PRSS12: variants seen among roughly 807,000 people sequenced by gnomAD.
PRSS12 encodes the protein neurotrypsin.
PRSS12 carries 85 observed loss-of-function variants against 104.4 expected under a neutral mutation model. The ratio of observed to expected loss-of-function variants is 0.81; its 90% CI spans 0.68 to 0.98. The LOEUF (loss-of-function observed/expected upper bound fraction) is 0.98, where lower values mean the gene tolerates loss of function less well. PRSS12 is among the 50% of genes least tolerant of loss of function. The pLI, the probability that PRSS12 is intolerant of heterozygous loss-of-function variation, is 0.00. For synonymous variants in PRSS12, 454 were observed against 425.2 expected, an observed-to-expected ratio of 1.07 and a Z score of -0.83; for missense variants, 1,141 against 1,139.2, an observed-to-expected ratio of 1.00 and a Z score of -0.02.
At chr4:118,333,841 G>A (rs1449468527) in intron 3 of PRSS12, among the ~76,000 whole-genome samples, 71 of 152,136 alleles carry the variant, frequency 4.7e-4, no homozygotes, top group Non-Finnish European at 1.0e-4. Context: ...ACAAGATTTA[G>A]TTAACAGCCC....
rs200497966 is a variant in PRSS12 at position 118,295,786 on chromosome 4, A to T, written c.1908T>A (p.Asn636Lys). ...TTTGGAGGAACATTTACCTTAAAGA[A>T]TTTTTCCCACCAATGATCCGCTTCT... ...RRQKRIIGGKNSLRGGWPWQV... is the reference protein window; with the variant it reads ...RRQKRIIGGKKSLRGGWPWQV... The change falls in exon 10 of 13, where the codon AAT becomes AAA. Residue 636 changes from asparagine to lysine, a missense_variant. By Grantham distance (94) the Asn-to-Lys change is moderately conservative. Transcript: ENST00000296498. The T allele has an allele frequency of 1.9e-6, 3 of 1,613,378 alleles. No homozygotes were observed. The Admixed American group carries it at 5.0e-5, about 27-fold the overall frequency.
At chr4:118,314,175 C>A (rs944902830) in intron 6 of PRSS12, among the ~76,000 whole-genome samples, 9 of 152,028 alleles carry the variant, frequency 5.9e-5, no homozygotes, top group African/African-American at 2.2e-4. Flanking sequence ...GCTTAAAAAT[C>A]TTTAAGACAC....
intron 1 of PRSS12, among the ~76,000 whole-genome samples, chr4:118,342,871 C>T (rs987071557): frequency 3.3e-5 from 5 of 152,168 alleles, no homozygotes; most frequent in Admixed American, 6.5e-5. Flanking sequence ...AGTACATAGG[C>T]CTCCAGTTTT....
intron 3 of PRSS12, among the ~76,000 whole-genome samples, chr4:118,332,591 G>A (rs1055290576): frequency 1.1e-4 from 17 of 152,122 alleles, no homozygotes; most frequent in African/African-American, 3.9e-4. Context: ...CTTCCTGAGA[G>A]TATTTACTTT....
chr4:118,342,388 C>T (rs1031414885), intron 1 of PRSS12, among the ~76,000 whole-genome samples: 1 of 152,192 alleles, frequency 6.6e-6, no homozygotes, highest in African/African-American at 2.4e-5. Flanking sequence ...GAGCAACCAA[C>T]CATTCTTCGA....
intron 1 of PRSS12, 96 bp downstream of exon 1, chr4:118,352,123 C>T: frequency 6.5e-7 from 1 of 1,536,718 alleles, no homozygotes; most frequent in Non-Finnish European, 8.8e-7. Flanking sequence ...ACCCCACACA[C>T]CCCGTCACTT....
At chr4:118,322,783 C>T (rs1300930192) in intron 4 of PRSS12, among the ~76,000 whole-genome samples, 1 of 151,802 alleles carries the variant, frequency 6.6e-6, no homozygotes, top group African/African-American at 2.4e-5. Flanking sequence ...AGGGAAGATA[C>T]AGGATAGGAG....
At chr4:118,299,354 C>T (rs968749968) in intron 8 of PRSS12, among the ~76,000 whole-genome samples, 43 of 152,106 alleles carry the variant, frequency 2.8e-4, no homozygotes, top group African/African-American at 1.0e-3. Flanking sequence ...GAGGTAAGAA[C>T]TAATTTTTTT....
intron 8 of PRSS12, 84 bp from the exon 9 acceptor site, chr4:118,299,022 CTTAA>C (rs748815406): frequency 3.5e-5 from 51 of 1,444,748 alleles, no homozygotes; most frequent in Non-Finnish European, 4.9e-5. Context: ...AATTTTATTC[CTTAA>C]TTTTTACATA....
chr4:118,284,748 C>T (rs1177304124), intron 11 of PRSS12, among the ~76,000 whole-genome samples: 1 of 152,180 alleles, frequency 6.6e-6, no homozygotes, highest in Non-Finnish European at 1.5e-5. Flanking sequence ...CGAAAAACTA[C>T]CCTGCTTGTC....
chr4:118,300,635 G>A (rs1367271663), intron 8 of PRSS12, among the ~76,000 whole-genome samples: 2 of 151,990 alleles, frequency 1.3e-5, no homozygotes, highest in Non-Finnish European at 2.9e-5. Flanking sequence ...TGGACATAGA[G>A]GGTATAAACT....
chr4:118,335,075 A>C (rs1724026376), intron 3 of PRSS12, among the ~76,000 whole-genome samples: 1 of 152,156 alleles, frequency 6.6e-6, no homozygotes, highest in African/African-American at 2.4e-5. Flanking sequence ...GCATTACACA[A>C]AGTGAAAATA....
At chr4:118,349,859 C>T (rs550937389) in intron 1 of PRSS12, among the ~76,000 whole-genome samples, 13 of 152,056 alleles carry the variant, frequency 8.5e-5, no homozygotes, top group South Asian at 2.1e-4. Flanking sequence ...AAAAATTAGC[C>T]GGGCGTGGTG....
intron 4 of PRSS12, among the ~76,000 whole-genome samples, chr4:118,321,408 G>A (rs1723620404): frequency 6.6e-6 from 1 of 152,164 alleles, no homozygotes; most frequent in Admixed American, 6.5e-5. Flanking sequence ...CTTTGAAGTG[G>A]AGAAGTATAT....
chr4:118,349,989 G>A (rs1447676712), intron 1 of PRSS12, among the ~76,000 whole-genome samples: 3 of 152,156 alleles, frequency 2.0e-5, no homozygotes, highest in South Asian at 2.1e-4. Flanking sequence ...GGTGACAGAC[G>A]AAGACCCTTG....
In PRSS12 at chr4:118,338,222, A is replaced by C. The variant is rs751804682; in HGVS notation, c.595T>G (p.Trp199Gly). 8.2e-5 allele frequency: 132 copies of C among 1,613,930 alleles called. 1 individual carries two copies. Among genetic ancestry groups the C allele is most frequent in the Middle Eastern group, 4.9e-4 (3 of 6,084 alleles). Reference protein sequence around the residue: ...GVWGTVCSSHWDDSDASVICH... With the variant: ...GVWGTVCSSHGDDSDASVICH... The stretch of plus-strand genomic sequence containing the variant: ...ATGACTGATGCATCAGAATCATCCC[A>C]GTGGCTGCTACAGACAGTGCCCCAA... Residue 199 changes from tryptophan (W) to glycine (G), a missense_variant, in exon 2 of 13, where the codon TGG becomes GGG. Transcript: ENST00000296498.
At position 118,281,764 on chromosome 4, in the gene PRSS12, C is replaced by T; in HGVS notation, c.*172G>A. The T allele has an allele frequency of 1.5e-6, 1 of 646,618 alleles. No individual in the cohort carries two copies. Among genetic ancestry groups the T allele is most frequent in the South Asian group, 1.8e-5 (1 of 56,838 alleles). 40.1% of individuals were successfully genotyped at this position (646,618 alleles called of 1,614,324 possible). Reference sequence around the variant, plus strand: ...GATTATCACTTCCACTACACTGAGGCCTCTGAAAATGTTCACAAATTTCTC... The same window carrying T: ...GATTATCACTTCCACTACACTGAGGTCTCTGAAAATGTTCACAAATTTCTC... On this transcript the variant is annotated 3_prime_UTR_variant, in exon 13 of 13. Coordinates refer to ENST00000296498, the MANE Select transcript of PRSS12 (RefSeq NM_003619.4).
rs376816104 is a variant in PRSS12, at chr4:118,331,913, T to C, written c.821-47A>G. On this transcript the variant is annotated intron_variant, in intron 3 of 12. Coordinates refer to ENST00000296498, the MANE Select transcript of PRSS12 (RefSeq NM_003619.4). ...ATAAGCAAAACCTATGCATTTACAT[T>C]GATTGATAAGATTAGGTATATTCTA... 1.8e-5 allele frequency: 29 copies of C among 1,609,804 alleles called. No homozygotes were observed. In the African/African-American group the frequency reaches 3.6e-4, roughly 20 times the overall value.
chr4:118,312,786 A>C (rs931250219), intron 7 of PRSS12, among the ~76,000 whole-genome samples: 1 of 152,170 alleles, frequency 6.6e-6, no homozygotes, highest in African/African-American at 2.4e-5. Context: ...GGACTAGAGA[A>C]GAAATGAACC....
Sources: gnomAD v4.1 joint callset for allele counts (sites outside exome capture counted in the v4.1 genomes callset) on GRCh38, gnomAD v4.1.1 for gene constraint, MANE v1.5 for transcripts, NCBI Gene and HGNC (gene_info 2026-07-23, HGNC 2026-07-21) for gene names.